AP2A2: variants seen among roughly 807,000 people sequenced by gnomAD.
AP2A2 encodes the protein adaptor related protein complex 2 subunit alpha 2, also known as AP-2 complex subunit alpha-2.
AP2A2 carries 32 observed loss-of-function variants against 104.2 expected under a neutral mutation model. The ratio of observed to expected loss-of-function variants is 0.31; its 90% confidence interval spans 0.23 to 0.41. The LOEUF is 0.41. AP2A2 is among the 10% of genes least tolerant of loss of function. AP2A2 has a pLI of 1.00. For missense variants in AP2A2, 912 were observed against 1,261.0 expected, an observed-to-expected ratio of 0.72 and a Z score of 4.19; for synonymous variants, 539 against 533.3, an observed-to-expected ratio of 1.01 and a Z score of -0.15.
At chr11:976,151 TG>T (rs1855027241) in intron 4 of AP2A2, among the ~76,000 whole-genome samples, 1 of 152,132 alleles carries the variant, frequency 6.6e-6, no homozygotes, top group South Asian at 2.1e-4. Context: ...CATGGACGCA[TG>T]GCAGGGTGTG....
intron 1 of AP2A2, chr11:933,641 T>TG (rs1853360581): frequency 2.2e-6 from 1 of 455,974 alleles, no homozygotes; most frequent in Admixed American, 2.4e-5. Context: ...CCTGGAGACT[T>TG]GAATTGGGAA....
intron 1 of AP2A2, among the ~76,000 whole-genome samples, chr11:940,566 C>T (rs1383862208): frequency 6.6e-6 from 1 of 152,174 alleles, no homozygotes. Context: ...TTTCTCATGA[C>T]CCAAGTGCCC....
At position 1,010,534 on chromosome 11, in the gene AP2A2, G is replaced by GCT; in HGVS notation, c.2743-9_2743-8dup. 1 of 1,578,522 alleles carries GCT rather than the reference G, an allele frequency of 6.3e-7. No homozygotes were observed. The highest frequency in any genetic ancestry group is 1.2e-5 in the South Asian group (1 of 85,752). ...CTCGGCGTGCCCGTTGACCTGCTGTGCTCTCTGTTTCAGATGTACCGGCTC... is the reference window on the plus strand; with the variant it reads ...CTCGGCGTGCCCGTTGACCTGCTGTGCTCTCTCTGTTTCAGATGTACCGGCTC... On this transcript the variant is annotated splice_polypyrimidine_tract_variant and intron_variant, in intron 21 of 21. Transcript: ENST00000448903.
intron 1 of AP2A2, among the ~76,000 whole-genome samples, 196 bp downstream of exon 1, chr11:926,284 G>T (rs1261293993): frequency 6.9e-6 from 1 of 144,514 alleles, no homozygotes; most frequent in African/African-American, 2.6e-5. Context: ...TGCGGGGTGG[G>T]GGTCCAGGGT....
intron 21 of AP2A2, chr11:1,010,126 G>A (rs1856371300): frequency 6.3e-6 from 3 of 479,450 alleles, no homozygotes; most frequent in Non-Finnish European, 1.1e-5. Context: ...CCACCATGGA[G>A]CAGCCTGGCC....
chr11:966,302 G>A (rs543316196), intron 2 of AP2A2, among the ~76,000 whole-genome samples: 1 of 152,274 alleles, frequency 6.6e-6, no homozygotes, highest in African/African-American at 2.4e-5. Context: ...AGACCATCCT[G>A]GGCAACGTGG....
At chr11:959,614 C>T (rs1854360263) in intron 2 of AP2A2, 109 bp downstream of exon 2, 2 of 726,482 alleles carry the variant, frequency 2.8e-6, no homozygotes, top group African/African-American at 3.6e-5. Flanking sequence ...GTGAAGTTCT[C>T]AGTTTGTACA....
intron 1 of AP2A2, among the ~76,000 whole-genome samples, chr11:941,593 CTTTTTTT>C (rs869159950): frequency 7.0e-6 from 1 of 142,304 alleles, no homozygotes; most frequent in Admixed American, 7.0e-5. Flanking sequence ...CTTTCTTATT[CTTTTTTT>C]TTTTTGAGAT....
chr11:984,610 C>G (rs373240593), intron 6 of AP2A2, 35 bp from the exon 7 acceptor site: 3 of 1,538,942 alleles, frequency 1.9e-6, no homozygotes, highest in Non-Finnish European at 2.7e-6. Flanking sequence ...GGCTCGTGTC[C>G]GGCAGCGTGT....
Position 926,004 on chromosome 11 carries a change from G to A in AP2A2, c.-18G>A, listed in dbSNP as rs1380279348. ...CCGCCCGGGTCCGCCAGCCGAGGCC[G>A]CTCCCGAGCGTCGGAAGATGCCGGC... On this transcript the variant is annotated 5_prime_UTR_variant, in exon 1 of 22. Coordinates refer to ENST00000448903, the MANE Select transcript of AP2A2 (RefSeq NM_012305.4). The A allele has an allele frequency of 3.6e-6, 5 of 1,400,184 alleles. No individual in the cohort carries two copies. The highest frequency in any genetic ancestry group is 1.5e-5 in the South Asian group (1 of 67,128). 86.7% of individuals were successfully genotyped at this position (1,400,184 alleles called of 1,614,324 possible). A position where few individuals can be genotyped will look rare whatever the true frequency, so the allele number is the denominator to read the frequency against.
chr11:947,341 G>A (rs1853881076), intron 1 of AP2A2, among the ~76,000 whole-genome samples: 1 of 152,102 alleles, frequency 6.6e-6, no homozygotes. Context: ...ACTGTACAAA[G>A]TAATAATTAT....
chr11:963,436 AC>A (rs1854506966), intron 2 of AP2A2, among the ~76,000 whole-genome samples: 1 of 151,920 alleles, frequency 6.6e-6, no homozygotes, highest in Non-Finnish European at 1.5e-5. Context: ...AGAAAAAAAA[AC>A]TAAAAAAAAA....
chr11:930,810 G>GT (rs1258238574), intron 1 of AP2A2, among the ~76,000 whole-genome samples: 1 of 152,196 alleles, frequency 6.6e-6, no homozygotes, highest in African/African-American at 2.4e-5. Context: ...GTGAGCCACT[G>GT]TGCCTGGTGC....
At chr11:931,605 C>T (rs1473569980) in intron 1 of AP2A2, among the ~76,000 whole-genome samples, 4 of 152,118 alleles carry the variant, frequency 2.6e-5, no homozygotes, top group African/African-American at 9.7e-5. Context: ...TGCTTGGAGG[C>T]GTTTTCTTTA....
At chr11:935,461 C>T (rs1853421719) in intron 1 of AP2A2, among the ~76,000 whole-genome samples, 1 of 152,038 alleles carries the variant, frequency 6.6e-6, no homozygotes, top group Admixed American at 6.6e-5. Flanking sequence ...AGCCACTGTG[C>T]CTGGGCGGTT....
chr11:940,905 G>A, intron 1 of AP2A2: 1 of 456,132 alleles, frequency 2.2e-6, no homozygotes, highest in Non-Finnish European at 4.4e-6. Context: ...GTGAGCAGGT[G>A]GGTGTTGTGA....
intron 14 of AP2A2, among the ~76,000 whole-genome samples, chr11:998,526 A>G (rs991477071): frequency 6.6e-6 from 1 of 151,908 alleles, no homozygotes; most frequent in Non-Finnish European, 1.5e-5. Flanking sequence ...ATTACAAACT[A>G]ATTTTTTACC....
chr11:933,852 A>G (rs1853366974), intron 1 of AP2A2, among the ~76,000 whole-genome samples: 1 of 152,100 alleles, frequency 6.6e-6, no homozygotes, highest in Non-Finnish European at 1.5e-5. Flanking sequence ...GGGAACTTGT[A>G]TCTTCTGTTC....
chr11:940,777 A>T (rs1705081051), intron 1 of AP2A2: 1 of 455,992 alleles, frequency 2.2e-6, no homozygotes. Flanking sequence ...CATGTGTACC[A>T]GTGCCTGCCA....
Sources: gnomAD v4.1 joint callset for allele counts (sites outside exome capture counted in the v4.1 genomes callset) on GRCh38, gnomAD v4.1.1 for gene constraint, MANE v1.5 for transcripts, NCBI Gene and HGNC (gene_info 2026-07-23, HGNC 2026-07-21) for gene names.